TENM3: variants seen among roughly 807,000 people sequenced by gnomAD.
TENM3 encodes the protein teneurin transmembrane protein 3.
In TENM3, 63 loss-of-function variants were observed where a neutral mutation model predicts 255.1. That is an observed-to-expected ratio of 0.25 (90% confidence interval 0.20 to 0.30). TENM3 has a LOEUF of 0.30. Among genes scored for constraint, TENM3 ranks in the 10% least tolerant of loss-of-function variants. The pLI is 1.00. For synonymous variants in TENM3, 1,306 were observed against 1,322.3 expected (o/e 0.99, Z 0.27); for missense variants, 2,929 against 3,461.1 (o/e 0.85, Z 3.86).
At chr4:181,483,046 A>G in the TENM3 span, among the ~76,000 whole-genome samples, 1 of 152,180 alleles carries the variant, frequency 6.6e-6, no homozygotes. Flanking sequence ...GAAAAACGTT[A>G]TTAAAATGTA....
the TENM3 span, among the ~76,000 whole-genome samples, chr4:181,945,493 G>C: frequency 6.6e-6 from 1 of 152,170 alleles, no homozygotes; most frequent in Non-Finnish European, 1.5e-5. Flanking sequence ...TAACGGACAA[G>C]AGCCCCTGCT....
chr4:182,227,928 A>G (rs2149997368), intron 1 of TENM3, among the ~76,000 whole-genome samples: 1 of 152,286 alleles, frequency 6.6e-6, no homozygotes, highest in East Asian at 1.9e-4. Context: ...GGAGCAAGTC[A>G]CTTTACGTTT....
chr4:182,621,654 A>T (rs1372724932), intron 4 of TENM3, among the ~76,000 whole-genome samples: 1 of 76,250 alleles, frequency 1.3e-5, no homozygotes, highest in Admixed American at 1.5e-4. Context: ...ACATATTATA[A>T]TATATAATAT....
At chr4:181,839,360 T>C in the TENM3 span, among the ~76,000 whole-genome samples, 1 of 48,698 alleles carries the variant, frequency 2.1e-5, no homozygotes, top group African/African-American at 6.3e-5. Flanking sequence ...TATATATATA[T>C]ATATATATAT....
chr4:182,765,653 G>A (rs1232905120), intron 22 of TENM3, among the ~76,000 whole-genome samples: 1 of 151,796 alleles, frequency 6.6e-6, no homozygotes, highest in Non-Finnish European at 1.5e-5. Context: ...CCAAGTCATT[G>A]ACACTCATGA....
chr4:182,725,441 A>G (rs1579248306), intron 13 of TENM3, among the ~76,000 whole-genome samples: 1 of 152,064 alleles, frequency 6.6e-6, no homozygotes, highest in South Asian at 2.1e-4. Flanking sequence ...GGGAGAAAAA[A>G]TGTTTTACAT....
At chr4:182,317,984 T>C (rs1762842575) in intron 1 of TENM3, among the ~76,000 whole-genome samples, 1 of 152,208 alleles carries the variant, frequency 6.6e-6, no homozygotes, top group African/African-American at 2.4e-5. Flanking sequence ...CAAAAATTTT[T>C]TGGTACTCTG....
chr4:181,590,371 T>A, the TENM3 span, among the ~76,000 whole-genome samples: 2 of 152,260 alleles, frequency 1.3e-5, no homozygotes, highest in South Asian at 2.1e-4. Flanking sequence ...CTATTCCAGA[T>A]GGAGAAAACA....
the TENM3 span, among the ~76,000 whole-genome samples, chr4:182,008,232 T>C: frequency 6.6e-6 from 1 of 152,146 alleles, no homozygotes; most frequent in Non-Finnish European, 1.5e-5. Context: ...AGTATCTTAA[T>C]GGAGTCCTCT....
At chr4:182,031,284 C>A in the TENM3 span, among the ~76,000 whole-genome samples, 3 of 152,064 alleles carry the variant, frequency 2.0e-5, no homozygotes, top group Non-Finnish European at 4.4e-5. Flanking sequence ...CTAGGCAGTT[C>A]TCTCAGCACC....
the TENM3 span, among the ~76,000 whole-genome samples, chr4:182,051,628 C>T: frequency 2.6e-5 from 4 of 152,126 alleles, no homozygotes; most frequent in South Asian, 8.3e-4. Flanking sequence ...CTGCCCGCCT[C>T]GGGCAAAGTG....
the TENM3 span, among the ~76,000 whole-genome samples, chr4:181,593,299 T>C: frequency 1.3e-5 from 2 of 152,220 alleles, no homozygotes; most frequent in Non-Finnish European, 2.9e-5. Flanking sequence ...GGACGCTTCC[T>C]AGGTTTTTAT....
the TENM3 span, among the ~76,000 whole-genome samples, chr4:181,677,604 T>C: frequency 6.6e-6 from 1 of 152,104 alleles, no homozygotes; most frequent in Non-Finnish European, 1.5e-5. Flanking sequence ...AGTGCCTCCA[T>C]TCATGCCCTC....
At chr4:181,876,327 G>A in the TENM3 span, among the ~76,000 whole-genome samples, 2 of 152,068 alleles carry the variant, frequency 1.3e-5, no homozygotes, top group African/African-American at 4.8e-5. Flanking sequence ...CCTATTTAAT[G>A]TCAGACTTGT....
At chr4:181,723,054 A>G in the TENM3 span, among the ~76,000 whole-genome samples, 2 of 152,232 alleles carry the variant, frequency 1.3e-5, no homozygotes, top group African/African-American at 2.4e-5. Flanking sequence ...CTGACTCGAT[A>G]AAATGTGTGT....
the TENM3 span, among the ~76,000 whole-genome samples, chr4:181,485,887 A>T: frequency 6.6e-6 from 1 of 152,118 alleles, no homozygotes. Context: ...ACTAAAACAA[A>T]AATGTTAAAT....
chr4:182,410,628 A>G (rs1347188694), intron 3 of TENM3, among the ~76,000 whole-genome samples: 2 of 152,240 alleles, frequency 1.3e-5, no homozygotes, highest in Non-Finnish European at 2.9e-5. Context: ...TAGAAGATCT[A>G]TTAGCATCAG....
chr4:182,330,388 G>A (rs1470829832), intron 2 of TENM3, among the ~76,000 whole-genome samples: 2 of 152,302 alleles, frequency 1.3e-5, no homozygotes, highest in African/African-American at 2.4e-5. Flanking sequence ...AGGTCTGCTC[G>A]TTCAGATTCT....
At chr4:181,827,979 C>T in the TENM3 span, among the ~76,000 whole-genome samples, 1 of 152,184 alleles carries the variant, frequency 6.6e-6, no homozygotes, top group Non-Finnish European at 1.5e-5. Flanking sequence ...TAAGGGATAT[C>T]ATCTTCCGTA....
Sources: allele counts gnomAD v4.1 joint callset (sites outside exome capture counted in the v4.1 genomes callset), GRCh38; gene constraint gnomAD v4.1.1; transcripts MANE v1.5; gene names NCBI Gene and HGNC (gene_info 2026-07-23, HGNC 2026-07-21).